GPC6: variants seen among roughly 807,000 people sequenced by gnomAD.
GPC6 encodes glypican-6.
A neutral mutation model predicts 55.2 loss-of-function variants in GPC6; 14 were observed. The ratio of observed to expected loss-of-function variants is 0.25; its 90% CI spans 0.17 to 0.40. The LOEUF (loss-of-function observed/expected upper bound fraction) is 0.40, where lower values mean the gene tolerates loss of function less well. GPC6 is among the 10% of genes least tolerant of loss of function. The pLI is 1.00. For synonymous variants in GPC6, 278 were observed against 259.6 expected (o/e 1.07, Z -0.68); for missense variants, 641 against 708.5 (o/e 0.90, Z 1.08).
chr13:93,453,905 C>T (rs1459128451), intron 1 of GPC6, among the ~76,000 whole-genome samples: 3 of 152,156 alleles, frequency 2.0e-5, no homozygotes, highest in Admixed American at 2.0e-4. Context: ...GCTGCCACTG[C>T]TGGCTCCCGC....
At chr13:93,913,529 A>G (rs571551076) in intron 3 of GPC6, among the ~76,000 whole-genome samples, 2 of 152,224 alleles carry the variant, frequency 1.3e-5, no homozygotes, top group South Asian at 2.1e-4. Context: ...TTGGAAATCC[A>G]TCTTTAAATT....
rs1001710622 is a variant in GPC6 at position 94,406,661 on chromosome 13, C to T, written c.*3444C>T. 3.9e-5 allele frequency: 6 copies of T among 152,002 alleles called. No individual in the cohort carries two copies. The highest frequency in any genetic ancestry group is 1.4e-4 in the African/African-American group (6 of 41,414). The allele number at this position is 152,002 out of a possible 1,614,324, so 9.4% of individuals were successfully genotyped here. ...GAACCCTGATTTTTAATTTATATTC[C>T]CTGCTGCAGACATTAGCCTTCTTTA... On this transcript the variant is annotated 3_prime_UTR_variant, in exon 9 of 9. Transcript: ENST00000377047.
intron 2 of GPC6, among the ~76,000 whole-genome samples, chr13:93,750,198 G>T (rs529609760): frequency 6.6e-6 from 1 of 152,164 alleles, no homozygotes; most frequent in African/African-American, 2.4e-5. Context: ...AGGAATAAGC[G>T]ATCAGGGAGA....
rs562255351 is a variant in GPC6, at chr13:93,441,862, G to T, written c.161-103401G>T. The stretch of plus-strand genomic sequence containing the variant: ...ATCACAGCTCACTGCAGCCTTGACA[G>T]GGAGGCAATTTTAAGGAAACCAGTG... On this transcript the variant is annotated intron_variant, in intron 1 of 8. Coordinates refer to ENST00000377047, the MANE Select transcript of GPC6 (RefSeq NM_005708.5). Among the ~76,000 whole-genome samples, 86 of 152,206 alleles carry T rather than the reference G, an allele frequency of 5.7e-4. 2 individuals carry two copies. The highest frequency in any genetic ancestry group is 2.1e-3 in the African/African-American group (86 of 41,530).
At chr13:93,957,059 G>A (rs2140379030) in intron 3 of GPC6, among the ~76,000 whole-genome samples, 2 of 152,282 alleles carry the variant, frequency 1.3e-5, no homozygotes, top group South Asian at 2.1e-4. Flanking sequence ...AGGACAAAAT[G>A]TCTGGGCCCT....
intron 1 of GPC6, among the ~76,000 whole-genome samples, chr13:93,402,604 C>T (rs2813610): frequency 0.11 from 16,425 of 152,128 alleles, 980 homozygotes; most frequent in South Asian, 0.12. Flanking sequence ...AGCGCTACAC[C>T]GTACTGACAG....
chr13:93,409,073 G>C (rs1876399189), intron 1 of GPC6, among the ~76,000 whole-genome samples: 1 of 151,900 alleles, frequency 6.6e-6, no homozygotes, highest in African/African-American at 2.4e-5. Context: ...CTGGAGGGAA[G>C]TAAAACTTCT....
intron 4 of GPC6, among the ~76,000 whole-genome samples, chr13:94,057,123 G>A (rs1884158746): frequency 1.3e-5 from 2 of 152,090 alleles, no homozygotes; most frequent in South Asian, 4.1e-4. Flanking sequence ...TTTGCCATTT[G>A]AAAAATAAAC....
chr13:93,929,668 G>T (rs1398506923), intron 3 of GPC6, among the ~76,000 whole-genome samples: 7 of 151,948 alleles, frequency 4.6e-5, no homozygotes, highest in Admixed American at 3.9e-4. Context: ...GTCTAGTTCA[G>T]CACTGTCCCA....
At chr13:93,640,417 T>G (rs949829606) in intron 2 of GPC6, among the ~76,000 whole-genome samples, 4 of 152,060 alleles carry the variant, frequency 2.6e-5, no homozygotes, top group Non-Finnish European at 4.4e-5. Context: ...GAAAAAAATA[T>G]CGGCTTGGAA....
At chr13:94,019,847 G>T (rs1882629907) in intron 3 of GPC6, among the ~76,000 whole-genome samples, 1 of 152,074 alleles carries the variant, frequency 6.6e-6, no homozygotes, top group Non-Finnish European at 1.5e-5. Context: ...CTTTATCTCT[G>T]TAAGATTGAG....
At chr13:93,573,642 A>G (rs1296419338) in intron 2 of GPC6, among the ~76,000 whole-genome samples, 1 of 152,154 alleles carries the variant, frequency 6.6e-6, no homozygotes, top group Non-Finnish European at 1.5e-5. Flanking sequence ...GTACTGGGTA[A>G]GATTGAGCAA....
chr13:93,453,970 C>T (rs113493618), intron 1 of GPC6, among the ~76,000 whole-genome samples: 13 of 152,100 alleles, frequency 8.5e-5, no homozygotes, highest in South Asian at 4.1e-4. Context: ...ATTGGTAGAG[C>T]GGAGTGGTCT....
At chr13:93,985,562 C>T (rs1880987842) in intron 3 of GPC6, among the ~76,000 whole-genome samples, 1 of 151,668 alleles carries the variant, frequency 6.6e-6, no homozygotes, top group African/African-American at 2.4e-5. Flanking sequence ...TGTGATGACA[C>T]ATACCTATAG....
chr13:93,401,749 T>C (rs569793099), intron 1 of GPC6, among the ~76,000 whole-genome samples: 2 of 150,586 alleles, frequency 1.3e-5, no homozygotes, highest in East Asian at 2.0e-4. Context: ...TTGGAAAGCA[T>C]TGGCTAGTTT....
intron 1 of GPC6, among the ~76,000 whole-genome samples, chr13:93,330,135 G>C (rs11619144): frequency 0.26 from 38,846 of 152,058 alleles, 5,531 homozygotes; most frequent in East Asian, 0.55. Flanking sequence ...TCTTCATTGT[G>C]CAAGAATGTC....
chr13:93,581,715 A>AG (rs1488513965), intron 2 of GPC6, among the ~76,000 whole-genome samples: 1 of 152,190 alleles, frequency 6.6e-6, no homozygotes, highest in African/African-American at 2.4e-5. Flanking sequence ...AAAGAAAAAA[A>AG]GAAAATCTCA....
chr13:94,271,959 A>G (rs575322968), intron 4 of GPC6, among the ~76,000 whole-genome samples: 6 of 152,332 alleles, frequency 3.9e-5, no homozygotes, highest in African/African-American at 1.2e-4. Flanking sequence ...CATTTTTTTA[A>G]AACAATCCAC....
At chr13:93,575,892 G>A (rs1876640993) in intron 2 of GPC6, among the ~76,000 whole-genome samples, 1 of 152,042 alleles carries the variant, frequency 6.6e-6, no homozygotes, top group Admixed American at 6.5e-5. Context: ...AAAGCTGAGA[G>A]TTGCCAGCAA....
Sources: allele counts gnomAD v4.1 joint callset (sites outside exome capture counted in the v4.1 genomes callset), GRCh38; gene constraint gnomAD v4.1.1; transcripts MANE v1.5; gene names NCBI Gene and HGNC (gene_info 2026-07-23, HGNC 2026-07-21).